Variants in TCF4 observed in about 807,000 individuals in gnomAD.
TCF4 encodes SL3-3 enhancer factor 2.
TCF4 carries 3 observed loss-of-function variants against 82.1 expected under a neutral mutation model. The ratio of observed to expected loss-of-function variants is 0.04; its 90% CI spans 0.02 to 0.09. TCF4 has a LOEUF of 0.09. Ranked by LOEUF, TCF4 falls within the 10% of genes least tolerant of loss-of-function variation. The pLI is 1.00. For missense variants in TCF4, 518 were observed against 852.7 expected (o/e 0.61, Z 4.89); for synonymous variants, 276 against 309.6 (o/e 0.89, Z 1.14).
At chr18:55,412,442 G>A (rs1262798055) in intron 5 of TCF4, among the ~76,000 whole-genome samples, 1 of 150,996 alleles carries the variant, frequency 6.6e-6, no homozygotes, top group Non-Finnish European at 1.5e-5. Flanking sequence ...CCGGAGTTTT[G>A]TTAAGGTTGC....
intron 3 of TCF4, among the ~76,000 whole-genome samples, chr18:55,481,425 T>G (rs980445337): frequency 1.3e-5 from 2 of 152,244 alleles, no homozygotes; most frequent in Non-Finnish European, 2.9e-5. Flanking sequence ...CAGCCATTAC[T>G]CAGGTAGACT....
chr18:55,575,418 C>T (rs1374309600), intron 3 of TCF4, among the ~76,000 whole-genome samples: 2 of 152,106 alleles, frequency 1.3e-5, no homozygotes, highest in African/African-American at 2.4e-5. Flanking sequence ...ATATTATTAC[C>T]ACCTGCTGAC....
intron 6 of TCF4, among the ~76,000 whole-genome samples, chr18:55,376,371 G>T (rs1350054091): frequency 6.6e-6 from 1 of 152,116 alleles, no homozygotes; most frequent in Non-Finnish European, 1.5e-5. Context: ...AAAATACTAT[G>T]CAGTTTTATC....
chr18:55,510,754 C>T lies in TCF4; in HGVS notation c.146-46617G>A, dbSNP rs2096819061. Reference sequence around the variant, plus strand: ...GTTACTCTCCTGTGCTCCATGGAAACAGAACATGAGTTAATGATGACCGTA... The same window carrying T: ...GTTACTCTCCTGTGCTCCATGGAAATAGAACATGAGTTAATGATGACCGTA... On this transcript the variant is annotated intron_variant, in intron 3 of 19. Coordinates refer to ENST00000354452, the MANE Select transcript of TCF4 (RefSeq NM_001083962.2). The T allele has an allele frequency of 6.1e-6, 8 of 1,320,886 alleles. No individual in the cohort carries two copies. In the South Asian group the frequency reaches 1.7e-4, roughly 28 times the overall value. The allele number at this position is 1,320,886 out of a possible 1,614,324, so 81.8% of individuals were successfully genotyped here.
At chr18:55,542,146 T>G (rs1464420992) in intron 3 of TCF4, among the ~76,000 whole-genome samples, 1 of 152,026 alleles carries the variant, frequency 6.6e-6, no homozygotes, top group East Asian at 1.9e-4. Flanking sequence ...GTTATAGTAT[T>G]CTTTACTTCA....
At chr18:55,593,037 A>T (rs2097687281), upstream of TCF4, among the ~76,000 whole-genome samples, 1 of 152,228 alleles carries the variant, frequency 6.6e-6, no homozygotes, top group African/African-American at 2.4e-5. Flanking sequence ...AATACAAAAA[A>T]GATTATTTAC....
At chr18:55,570,895 A>G (rs1387309198) in intron 3 of TCF4, among the ~76,000 whole-genome samples, 1 of 151,612 alleles carries the variant, frequency 6.6e-6, no homozygotes, top group African/African-American at 2.4e-5. Context: ...GCCTCAAAAA[A>G]AAAAAAAAAA....
At position 55,225,879 on chromosome 18, in the gene TCF4, C is replaced by CA. The variant is rs1391170677; in HGVS notation, c.*2155dup. On this transcript the variant is annotated 3_prime_UTR_variant, in exon 20 of 20. Coordinates refer to ENST00000354452, the MANE Select transcript of TCF4 (RefSeq NM_001083962.2). The stretch of plus-strand genomic sequence containing the variant: ...TATTTACAGTTTTTCAACACACACA[C>CA]AGCTAATCAAAATGTTTATGGGTTT... 3 of 152,694 alleles carry CA rather than the reference C, an allele frequency of 2.0e-5. No individual in the cohort carries two copies. Among genetic ancestry groups the CA allele is most frequent in the Non-Finnish European group, 2.9e-5 (2 of 67,986 alleles). 9.5% of individuals were successfully genotyped at this position (152,694 alleles called of 1,614,324 possible). A position where few individuals can be genotyped will look rare whatever the true frequency, so the allele number is the denominator to read the frequency against.
chr18:55,627,344 A>G (rs1299222660), intron 2 of TCF4, among the ~76,000 whole-genome samples: 1 of 152,232 alleles, frequency 6.6e-6, no homozygotes, highest in African/African-American at 2.4e-5. Flanking sequence ...ATTATGGTGC[A>G]GTAGAGGAAA....
intron 5 of TCF4, among the ~76,000 whole-genome samples, chr18:55,447,678 C>T (rs562253728): frequency 6.6e-6 from 1 of 152,178 alleles, no homozygotes; most frequent in Admixed American, 6.5e-5. Context: ...GCAGACATAT[C>T]GATAACATGT....
intron 5 of TCF4, among the ~76,000 whole-genome samples, chr18:55,411,225 G>A (rs1256172125): frequency 6.6e-6 from 1 of 152,108 alleles, no homozygotes. Flanking sequence ...GTCCCCTAGA[G>A]ACCTGAAGGA....
chr18:55,619,596 C>A (rs2097715640), intron 2 of TCF4, among the ~76,000 whole-genome samples: 1 of 152,074 alleles, frequency 6.6e-6, no homozygotes, highest in Non-Finnish European at 1.5e-5. Context: ...TATGTCTTTG[C>A]CTAACTTTTA....
intron 6 of TCF4, among the ~76,000 whole-genome samples, chr18:55,362,902 A>G (rs2085846110): frequency 6.6e-6 from 1 of 152,234 alleles, no homozygotes; most frequent in Non-Finnish European, 1.5e-5. Context: ...GAAAGGATTC[A>G]GCAGTATAAA....
chr18:55,569,166 T>G (rs1477152401), intron 3 of TCF4, among the ~76,000 whole-genome samples: 1 of 151,284 alleles, frequency 6.6e-6, no homozygotes, highest in African/African-American at 2.4e-5. Flanking sequence ...AGTATTGCCA[T>G]TCCTATTTAA....
At chr18:55,420,847 A>T (rs1196287767) in intron 5 of TCF4, among the ~76,000 whole-genome samples, 1 of 152,020 alleles carries the variant, frequency 6.6e-6, no homozygotes, top group East Asian at 1.9e-4. Flanking sequence ...ATGAGCCCCA[A>T]ATTCAGATTT....
intron 6 of TCF4, among the ~76,000 whole-genome samples, chr18:55,397,962 T>A (rs989497202): frequency 2.0e-5 from 3 of 152,316 alleles, no homozygotes; most frequent in Admixed American, 2.0e-4. Context: ...TTTTTTCAAC[T>A]GTTCTGGATG....
chr18:55,434,960 T>C (rs1603463582), intron 5 of TCF4, among the ~76,000 whole-genome samples: 1 of 152,176 alleles, frequency 6.6e-6, no homozygotes, highest in Non-Finnish European at 1.5e-5. Flanking sequence ...CTTCCAGTTA[T>C]TTTTAAATGT....
intron 2 of TCF4, chr18:55,586,838 C>T: frequency 2.0e-6 from 1 of 510,016 alleles, no homozygotes; most frequent in Non-Finnish European, 3.5e-6. Flanking sequence ...AGTAATAAAA[C>T]TCAAAAAAAA....
intron 2 of TCF4, among the ~76,000 whole-genome samples, chr18:55,603,840 CA>C (rs1005884892): frequency 3.3e-5 from 5 of 152,156 alleles, no homozygotes; most frequent in African/African-American, 1.2e-4. Context: ...GATCATGGCA[CA>C]GCATGGGAAC....
Sources: allele counts gnomAD v4.1 joint callset (sites outside exome capture counted in the v4.1 genomes callset), GRCh38; gene constraint gnomAD v4.1.1; transcripts MANE v1.5; gene names NCBI Gene and HGNC (gene_info 2026-07-23, HGNC 2026-07-21).